RPGRIP1L: variants seen among roughly 807,000 people sequenced by gnomAD.
RPGRIP1L encodes RPGRIP1 like, also known as protein fantom.
In RPGRIP1L, 131 loss-of-function variants were observed where a neutral mutation model predicts 160.4. The ratio of observed to expected loss-of-function variants is 0.82; its 90% CI spans 0.71 to 0.94. The LOEUF is 0.94. Among genes scored for constraint, RPGRIP1L ranks in the 40% least tolerant of loss-of-function variants. The pLI is 0.00. For synonymous variants in RPGRIP1L, 510 were observed against 515.8 expected, an observed-to-expected ratio of 0.99 and a Z score of 0.15; for missense variants, 1,522 against 1,535.8, an observed-to-expected ratio of 0.99 and a Z score of 0.15.
intron 16 of RPGRIP1L, among the ~76,000 whole-genome samples, chr16:53,647,765 C>T (rs377125185): frequency 2.3e-4 from 35 of 152,186 alleles, no homozygotes; most frequent in African/African-American, 7.9e-4. Context: ...ATATCTTATC[C>T]CTCTGTTACT....
intron 6 of RPGRIP1L, among the ~76,000 whole-genome samples, chr16:53,682,484 G>C (rs1176700286): frequency 6.6e-6 from 1 of 152,044 alleles, no homozygotes; most frequent in Non-Finnish European, 1.5e-5. Flanking sequence ...AAGGACTTTT[G>C]GGTTTCCCTT....
intron 22 of RPGRIP1L, chr16:53,635,727 C>T (rs576773297): frequency 6.6e-6 from 1 of 152,048 alleles, no homozygotes; most frequent in Middle Eastern, 3.2e-3. Flanking sequence ...TACAAAAGTA[C>T]AATTAATCAC....
chr16:53,611,103 T>C, intron 24 of RPGRIP1L, 52 bp from the exon 25 acceptor site: 1 of 1,162,464 alleles, frequency 8.6e-7, no homozygotes, highest in South Asian at 1.2e-5. Flanking sequence ...AGGAATAGGC[T>C]ACATTAGTAC....
intron 14 of RPGRIP1L, 45 bp from the exon 15 acceptor site, chr16:53,653,032 T>G (rs768108215): frequency 6.6e-7 from 1 of 1,515,886 alleles, no homozygotes; most frequent in South Asian, 1.1e-5. Flanking sequence ...AATATTGACA[T>G]GAGAAAATGA....
chr16:53,614,486 T>C (rs1964234973), intron 24 of RPGRIP1L, among the ~76,000 whole-genome samples: 1 of 152,238 alleles, frequency 6.6e-6, no homozygotes, highest in Non-Finnish European at 1.5e-5. Context: ...GTGGGGGTTC[T>C]ACACATTGAG....
chr16:53,686,521 C>T lies in RPGRIP1L; in HGVS notation c.688G>A (p.Glu230Lys). The T allele has an allele frequency of 6.2e-7, 1 of 1,613,692 alleles. No individual in the cohort carries two copies. Among genetic ancestry groups the T allele is most frequent in the Non-Finnish European group, 8.5e-7 (1 of 1,179,770 alleles). Residue 230 changes from glutamate (E) to lysine (K), a missense_variant, in exon 6 of 27, where the codon GAG (glutamate) becomes AAG (lysine). Physicochemically the swap from Glu to Lys is moderately conservative, Grantham distance 56. Transcript: ENST00000647211. ...CTCCTCAACTGAGTTTTCAGGATCT[C>T]AGCCAAGTGCTCTAACTCCTCTATC... ...GQIEELEHLA[E>K]ILKTQLRRKE...
intron 9 of RPGRIP1L, 151 bp from the exon 10 acceptor site, chr16:53,665,160 G>C: frequency 1.0e-6 from 1 of 997,736 alleles, no homozygotes; most frequent in Non-Finnish European, 1.5e-6. Flanking sequence ...TTGAAACCAA[G>C]GCGCCTTTCT....
Position 53,673,036 on chromosome 16 carries a change from T to C in RPGRIP1L, c.883-20A>G, listed in dbSNP as rs781088450. ...TTGCTTCTAAAAGATAAAAAGAACATCTTTCAAACATTATTTTTGACTAAA... is the reference window on the plus strand; with the variant it reads ...TTGCTTCTAAAAGATAAAAAGAACACCTTTCAAACATTATTTTTGACTAAA... On this transcript the variant is annotated intron_variant, in intron 7 of 26. Transcript: ENST00000647211. 7.5e-6 allele frequency: 12 copies of C among 1,603,960 alleles called. No individual in the cohort carries two copies. The Admixed American group carries it at 8.4e-5, about 11-fold the overall frequency.
At chr16:53,627,478 G>A (rs1295122131) in intron 22 of RPGRIP1L, among the ~76,000 whole-genome samples, 2 of 152,070 alleles carry the variant, frequency 1.3e-5, no homozygotes, top group Admixed American at 1.3e-4. Context: ...ACCAACTTAA[G>A]TCTTTTTATT....
At chr16:53,658,528 G>A in intron 11 of RPGRIP1L, 64 bp from the exon 12 acceptor site, 1 of 1,278,270 alleles carries the variant, frequency 7.8e-7, no homozygotes, top group East Asian at 2.3e-5. Flanking sequence ...GACATTCCAA[G>A]TATTCAAATT....
intron 15 of RPGRIP1L, 143 bp downstream of exon 15, chr16:53,652,392 T>C (rs1470918031): frequency 5.7e-6 from 4 of 706,044 alleles, no homozygotes; most frequent in Non-Finnish European, 9.8e-6. Flanking sequence ...TTTAAGATAG[T>C]CCAATTAACT....
intron 4 of RPGRIP1L, among the ~76,000 whole-genome samples, chr16:53,690,788 G>T (rs191672635): frequency 6.6e-6 from 1 of 152,188 alleles, no homozygotes; most frequent in Admixed American, 6.5e-5. Context: ...ATCTAAGCTG[G>T]ATTATTACCA....
At chr16:53,700,412 C>A (rs1971300618) in intron 2 of RPGRIP1L, among the ~76,000 whole-genome samples, 1 of 152,108 alleles carries the variant, frequency 6.6e-6, no homozygotes, top group Non-Finnish European at 1.5e-5. Flanking sequence ...TATGTTAATT[C>A]TTTATCAGAA....
chr16:53,682,822 T>G (rs936901628), intron 6 of RPGRIP1L, among the ~76,000 whole-genome samples: 1 of 152,180 alleles, frequency 6.6e-6, no homozygotes, highest in Non-Finnish European at 1.5e-5. Flanking sequence ...ATCTTCTTCC[T>G]ACAGAAATAT....
intron 14 of RPGRIP1L, 48 bp from the exon 15 acceptor site, chr16:53,653,035 G>C: frequency 1.3e-6 from 2 of 1,502,078 alleles, no homozygotes; most frequent in Middle Eastern, 1.7e-4. Context: ...ATTGACATGA[G>C]AAAATGAAAA....
At chr16:53,639,159 A>G (rs1966044532) in intron 19 of RPGRIP1L, among the ~76,000 whole-genome samples, 1 of 151,960 alleles carries the variant, frequency 6.6e-6, no homozygotes, top group South Asian at 2.1e-4. Flanking sequence ...ACGAATGTTT[A>G]GTTTTAAAAT....
Position 53,700,640 on chromosome 16 carries a change from T to C in RPGRIP1L, c.84A>G (p.Gln28=). The change falls in exon 2 of 27, where the codon CAA becomes CAG. Residue 28 remains glutamine (Q), a splice_region_variant and synonymous_variant. Transcript: ENST00000647211. ...GTAATAAATAACAGCTGGCCATACC[T>C]TGTAACCCTCCCATTCCAAAGAGGT... ...GLNLFGMGGL[Q]ETSTTRTMKS... 6.2e-7 allele frequency: 1 copy of C among 1,610,204 alleles called. No homozygotes were observed.
intron 24 of RPGRIP1L, among the ~76,000 whole-genome samples, chr16:53,615,618 C>G (rs1035398311): frequency 3.3e-5 from 5 of 151,480 alleles, no homozygotes; most frequent in African/African-American, 1.2e-4. Context: ...GGATTACAGG[C>G]GCCTGCCACC....
At chr16:53,636,197 G>C (rs532624489) in intron 22 of RPGRIP1L, among the ~76,000 whole-genome samples, 48 of 152,286 alleles carry the variant, frequency 3.2e-4, no homozygotes, top group Middle Eastern at 6.8e-3. Context: ...GTAGCTATTG[G>C]AGGTACAGAT....
Sources: allele counts gnomAD v4.1 joint callset (sites outside exome capture counted in the v4.1 genomes callset), GRCh38; gene constraint gnomAD v4.1.1; transcripts MANE v1.5; gene names NCBI Gene and HGNC (gene_info 2026-07-23, HGNC 2026-07-21).